NDUFAF2: variants seen among roughly 807,000 people sequenced by gnomAD.
NDUFAF2 encodes the protein NADH dehydrogenase [ubiquinone] 1 alpha subcomplex assembly factor 2.
Under a neutral mutation model 22.8 loss-of-function variants are expected in NDUFAF2, and 13 were observed. The observed-to-expected ratio is 0.57, with a 90% CI of 0.37 to 0.91. The LOEUF is 0.91. Among genes scored for constraint, NDUFAF2 ranks in the 40% least tolerant of loss-of-function variants. NDUFAF2 has a pLI of 0.01. For missense variants in NDUFAF2, 162 were observed against 195.2 expected, an observed-to-expected ratio of 0.83 and a Z score of 1.01; for synonymous variants, 53 against 64.2, an observed-to-expected ratio of 0.83 and a Z score of 0.84.
chr5:60,959,838 A>T (rs1183540648), intron 1 of NDUFAF2, among the ~76,000 whole-genome samples: 1 of 152,104 alleles, frequency 6.6e-6, no homozygotes, highest in Non-Finnish European at 1.5e-5. Flanking sequence ...GACTATTTCA[A>T]ATACTTACTG....
chr5:61,043,823 A>C (rs1751914030), intron 1 of NDUFAF2, among the ~76,000 whole-genome samples: 1 of 152,158 alleles, frequency 6.6e-6, no homozygotes, highest in Non-Finnish European at 1.5e-5. Flanking sequence ...ATGAGAGTGC[A>C]GATATCTCTT....
intron 2 of NDUFAF2, among the ~76,000 whole-genome samples, chr5:61,089,975 A>G (rs1206424457): frequency 6.6e-6 from 1 of 151,826 alleles, no homozygotes; most frequent in Admixed American, 6.6e-5. Context: ...TCAGTAGGGC[A>G]GATTGTTATT....
chr5:61,055,305 C>A (rs1752073715), intron 1 of NDUFAF2, among the ~76,000 whole-genome samples: 1 of 152,116 alleles, frequency 6.6e-6, no homozygotes, highest in South Asian at 2.1e-4. Context: ...AATTGTAGTT[C>A]TGTTTCCAGA....
At chr5:60,972,773 G>GTTTTTTTTTTTTTTTTGTTTTTTT (rs35076688) in intron 1 of NDUFAF2, among the ~76,000 whole-genome samples, 1 of 103,924 alleles carries the variant, frequency 9.6e-6, no homozygotes, top group Non-Finnish European at 1.9e-5. Context: ...TGTGTATTCT[G>GTTTTTTTTTTTTTTTTGTTTTTTT]TTTTTTTTTT....
intron 1 of NDUFAF2, among the ~76,000 whole-genome samples, chr5:60,981,818 A>C (rs964251575): frequency 2.0e-5 from 3 of 152,162 alleles, no homozygotes; most frequent in Non-Finnish European, 4.4e-5. Flanking sequence ...CAGTGAACTC[A>C]TTTTCAGCAG....
intron 1 of NDUFAF2, among the ~76,000 whole-genome samples, chr5:60,980,430 A>T (rs1051776111): frequency 8.5e-5 from 13 of 152,196 alleles, no homozygotes; most frequent in Admixed American, 7.2e-4. Context: ...CAGAGAAGGA[A>T]TTCAGTATTC....
chr5:61,131,026 A>T (rs1328067591), intron 3 of NDUFAF2, among the ~76,000 whole-genome samples: 1 of 152,146 alleles, frequency 6.6e-6, no homozygotes, highest in Non-Finnish European at 1.5e-5. Context: ...ACAACATAAG[A>T]AGTTTCTACT....
intron 3 of NDUFAF2, among the ~76,000 whole-genome samples, chr5:61,150,924 C>G (rs1741228302): frequency 6.6e-6 from 1 of 152,160 alleles, no homozygotes; most frequent in South Asian, 2.1e-4. Context: ...AACCTGATTT[C>G]TCTACTCTCA....
Position 60,952,776 on chromosome 5 carries a change from A to G in NDUFAF2, c.127+7394A>G, listed in dbSNP as rs548669451. On this transcript the variant is annotated intron_variant, in intron 1 of 3. Transcript: ENST00000296597. The stretch of plus-strand genomic sequence containing the variant: ...TTGTACTTATTCTATCAATTATTGA[A>G]AAAAGTATGTTACAGTCTCTGAATA... 9.9e-5 allele frequency among the ~76,000 whole-genome samples: 15 copies of G among 152,234 alleles called. No individual in the cohort carries two copies. The East Asian group carries it at 2.3e-3, about 24-fold the overall frequency.
intron 1 of NDUFAF2, among the ~76,000 whole-genome samples, chr5:60,972,961 A>G (rs952043500): frequency 6.7e-6 from 1 of 149,742 alleles, no homozygotes; most frequent in Non-Finnish European, 1.5e-5. Context: ...ATTCTCACCC[A>G]TTTTTTTTAC....
At chr5:61,037,059 C>T (rs1751808863) in intron 1 of NDUFAF2, among the ~76,000 whole-genome samples, 1 of 151,960 alleles carries the variant, frequency 6.6e-6, no homozygotes, top group African/African-American at 2.4e-5. Context: ...TAGTATAAGA[C>T]CATATACAAA....
At chr5:61,112,652 G>A (rs1186798044) in intron 3 of NDUFAF2, among the ~76,000 whole-genome samples, 5 of 151,844 alleles carry the variant, frequency 3.3e-5, no homozygotes, top group African/African-American at 4.8e-5. Context: ...GTCTTTATAC[G>A]TGGTGTGTTT....
At chr5:61,007,132 T>A (rs1280994881) in intron 1 of NDUFAF2, among the ~76,000 whole-genome samples, 1 of 152,036 alleles carries the variant, frequency 6.6e-6, no homozygotes, top group African/African-American at 2.4e-5. Context: ...TAGATCCCAT[T>A]TGTCAATTTT....
chr5:61,114,512 G>A (rs1025432668), intron 3 of NDUFAF2: 9 of 152,150 alleles, frequency 5.9e-5, no homozygotes, highest in African/African-American at 2.2e-4. Context: ...ACATATCTCT[G>A]TCTCTCTAGG....
At chr5:60,993,701 T>A (rs962202657) in intron 1 of NDUFAF2, among the ~76,000 whole-genome samples, 7 of 151,938 alleles carry the variant, frequency 4.6e-5, no homozygotes, top group Admixed American at 2.6e-4. Context: ...AATGGATAGC[T>A]CCTCTCTGCA....
At chr5:61,034,355 A>ATT (rs1751768985) in intron 1 of NDUFAF2, among the ~76,000 whole-genome samples, 1 of 152,184 alleles carries the variant, frequency 6.6e-6, no homozygotes. Flanking sequence ...CACAAACCAA[A>ATT]TGCACCTAGG....
chr5:61,018,781 A>G (rs572382597), intron 1 of NDUFAF2, among the ~76,000 whole-genome samples: 53 of 152,254 alleles, frequency 3.5e-4, no homozygotes, highest in Middle Eastern at 3.4e-3. Flanking sequence ...AAACAGTGAC[A>G]GCAAAACTGA....
intron 2 of NDUFAF2, among the ~76,000 whole-genome samples, chr5:61,085,404 A>G (rs185280263): frequency 3.7e-4 from 56 of 152,256 alleles, no homozygotes; most frequent in African/African-American, 1.3e-3. Context: ...AACCTGATAA[A>G]GGGCATTAAG....
At chr5:60,991,737 T>G (rs1348889436) in intron 1 of NDUFAF2, among the ~76,000 whole-genome samples, 2 of 152,186 alleles carry the variant, frequency 1.3e-5, no homozygotes, top group African/African-American at 4.8e-5. Flanking sequence ...ATCTTGGCTA[T>G]TGTAAATAAT....
Sources: allele counts gnomAD v4.1 joint callset (sites outside exome capture counted in the v4.1 genomes callset), GRCh38; gene constraint gnomAD v4.1.1; transcripts MANE v1.5; gene names NCBI Gene and HGNC (gene_info 2026-07-23, HGNC 2026-07-21).